INPP5B: variants seen among roughly 807,000 people sequenced by gnomAD.
INPP5B encodes the protein inositol polyphosphate-5-phosphatase B, also known as type II inositol 1,4,5-trisphosphate 5-phosphatase.
A neutral mutation model predicts 118.5 loss-of-function variants in INPP5B; 90 were observed. That is an observed-to-expected ratio of 0.76 (90% confidence interval 0.64 to 0.90). The LOEUF (loss-of-function observed/expected upper bound fraction) is 0.90, where lower values mean the gene tolerates loss of function less well. Among genes scored for constraint, INPP5B ranks in the 40% least tolerant of loss-of-function variants. INPP5B has a pLI of 0.00. For missense variants in INPP5B, 984 were observed against 1,125.6 expected (o/e 0.87, Z 1.80); for synonymous variants, 385 against 418.9 (o/e 0.92, Z 0.99).
chr1:37,906,787 C>G (rs1644515130), intron 7 of INPP5B, among the ~76,000 whole-genome samples: 1 of 150,312 alleles, frequency 6.7e-6, no homozygotes, highest in Admixed American at 6.7e-5. Context: ...CTGAACCCAG[C>G]AGGTGGAGGT....
intron 7 of INPP5B, among the ~76,000 whole-genome samples, chr1:37,923,602 CATGAATAAGGGGG>C (rs1215219787): frequency 6.6e-6 from 1 of 150,822 alleles, no homozygotes; most frequent in Admixed American, 6.6e-5. Context: ...AGGATACCAA[CATGAATAAGGGGG>C]ATTTTGAAAT....
intron 7 of INPP5B, among the ~76,000 whole-genome samples, chr1:37,914,860 A>G (rs1644813906): frequency 6.6e-6 from 1 of 152,184 alleles, no homozygotes; most frequent in Admixed American, 6.6e-5. Context: ...AGCTCACCAC[A>G]ATATATGGCA....
intron 7 of INPP5B, among the ~76,000 whole-genome samples, chr1:37,898,933 G>A (rs1204961847): frequency 6.6e-6 from 1 of 151,552 alleles, no homozygotes; most frequent in East Asian, 2.0e-4. Context: ...TGTAATCCCA[G>A]TACTCTGGAA....
At chr1:37,863,281 C>T (rs749809873) in intron 23 of INPP5B, among the ~76,000 whole-genome samples, 4 of 151,354 alleles carry the variant, frequency 2.6e-5, no homozygotes, top group Non-Finnish European at 5.9e-5. Context: ...TTTGGGAGGC[C>T]GAGGCGGGTG....
At chr1:37,885,442 G>C in intron 13 of INPP5B, 196 bp downstream of exon 13, 1 of 495,138 alleles carries the variant, frequency 2.0e-6, no homozygotes, top group Non-Finnish European at 3.6e-6. Context: ...AAAAGAGAAA[G>C]ACTCAAGAGA....
intron 7 of INPP5B, among the ~76,000 whole-genome samples, chr1:37,920,399 T>A (rs1003941695): frequency 2.6e-5 from 4 of 152,290 alleles, no homozygotes; most frequent in Middle Eastern, 3.4e-3. Flanking sequence ...GAGCGGTGGC[T>A]CATGCCTATA....
chr1:37,888,750 T>C (rs1348971752), intron 9 of INPP5B, among the ~76,000 whole-genome samples: 2 of 152,234 alleles, frequency 1.3e-5, no homozygotes, highest in Non-Finnish European at 2.9e-5. Context: ...TTTGTATCCC[T>C]AGAAACAATG....
At chr1:37,873,615 T>C (rs981158855) in intron 18 of INPP5B, among the ~76,000 whole-genome samples, 2 of 152,082 alleles carry the variant, frequency 1.3e-5, no homozygotes, top group African/African-American at 4.8e-5. Flanking sequence ...TCGGGAAAAA[T>C]GTGGATGGTA....
intron 6 of INPP5B, 56 bp downstream of exon 6, chr1:37,940,632 G>C (rs1645876482): frequency 2.1e-6 from 2 of 971,282 alleles, no homozygotes; most frequent in Non-Finnish European, 3.3e-6. Flanking sequence ...AACTGGGGTG[G>C]GTAGGTGAAT....
intron 21 of INPP5B, among the ~76,000 whole-genome samples, chr1:37,866,113 G>A (rs1642013379): frequency 2.0e-5 from 3 of 152,030 alleles, no homozygotes; most frequent in South Asian, 4.1e-4. Flanking sequence ...CTTAGCCTGG[G>A]CAACATGGCG....
chr1:37,894,267 T>C (rs916394653), intron 7 of INPP5B, among the ~76,000 whole-genome samples: 6 of 152,182 alleles, frequency 3.9e-5, no homozygotes, highest in Non-Finnish European at 7.3e-5. Flanking sequence ...TTAGAGGTCA[T>C]TTCCTCCAAG....
At chr1:37,897,425 T>C (rs1644161085) in intron 7 of INPP5B, among the ~76,000 whole-genome samples, 1 of 151,744 alleles carries the variant, frequency 6.6e-6, no homozygotes, top group Admixed American at 6.6e-5. Context: ...TGTTGATCGG[T>C]GACCTTACCC....
intron 7 of INPP5B, among the ~76,000 whole-genome samples, chr1:37,898,276 G>A (rs897046045): frequency 1.6e-4 from 24 of 152,094 alleles, no homozygotes; most frequent in Admixed American, 1.1e-3. Flanking sequence ...TGGGGGTGAG[G>A]GTGGGGTCAA....
chr1:37,918,328 C>T (rs1323213189), intron 7 of INPP5B, among the ~76,000 whole-genome samples: 1 of 152,208 alleles, frequency 6.6e-6, no homozygotes, highest in East Asian at 1.9e-4. Context: ...ATCTGACGCC[C>T]TTTGCAAATG....
intron 7 of INPP5B, among the ~76,000 whole-genome samples, chr1:37,901,134 A>G (rs554478668): frequency 6.6e-6 from 1 of 152,274 alleles, no homozygotes; most frequent in South Asian, 2.1e-4. Flanking sequence ...ATATTTATTC[A>G]TTATTATTGG....
chr1:37,891,343 G>A lies in INPP5B; in HGVS notation c.629+15C>T. The A allele has an allele frequency of 6.3e-7, 1 of 1,593,568 alleles. No individual in the cohort carries two copies. The highest frequency in any genetic ancestry group is 8.6e-7 in the Non-Finnish European group (1 of 1,161,318). Reference sequence around the variant, plus strand: ...TCAGTCCTACAAGGGACAAGTGAAGGGAGAGTTGCATTACCTTGGTTGCAA... The same window carrying A: ...TCAGTCCTACAAGGGACAAGTGAAGAGAGAGTTGCATTACCTTGGTTGCAA... On this transcript the variant is annotated intron_variant, in intron 8 of 23. Transcript: ENST00000373024.
intron 12 of INPP5B, among the ~76,000 whole-genome samples, chr1:37,886,050 C>G (rs1005959124): frequency 1.3e-5 from 2 of 151,840 alleles, no homozygotes; most frequent in South Asian, 2.1e-4. Flanking sequence ...TGGTGGCAGG[C>G]GCCTGTCATC....
chr1:37,941,090 T>C (rs952175995), intron 5 of INPP5B, among the ~76,000 whole-genome samples: 1 of 151,882 alleles, frequency 6.6e-6, no homozygotes, highest in Non-Finnish European at 1.5e-5. Context: ...GGATGTGTAG[T>C]CTGTTCCCCT....
intron 6 of INPP5B, among the ~76,000 whole-genome samples, chr1:37,939,137 C>T (rs12025582): frequency 0.99 from 148,458 of 149,232 alleles, 73,851 homozygotes; most frequent in Non-Finnish European, 1. Context: ...GAGGTTGCAG[C>T]GAGCCAAGGT....
Sources: allele counts gnomAD v4.1 joint callset (sites outside exome capture counted in the v4.1 genomes callset), GRCh38; gene constraint gnomAD v4.1.1; transcripts MANE v1.5; gene names NCBI Gene and HGNC (gene_info 2026-07-23, HGNC 2026-07-21).